Variants in CHRNA7 observed in about 807,000 individuals in gnomAD.
CHRNA7 encodes cholinergic receptor nicotinic alpha 7 subunit.
A neutral mutation model predicts 48.0 loss-of-function variants in CHRNA7; 17 were observed. The observed-to-expected ratio is 0.35, with a 90% CI of 0.24 to 0.53. CHRNA7 has a LOEUF of 0.53. Ranked by LOEUF, CHRNA7 falls within the 20% of genes least tolerant of loss-of-function variation. CHRNA7 has a pLI of 0.92. For missense variants in CHRNA7, 155 were observed against 577.7 expected (o/e 0.27, Z 7.50); for synonymous variants, 75 against 242.3 (o/e 0.31, Z 6.41).
intron 4 of CHRNA7, among the ~76,000 whole-genome samples, chr15:32,119,219 T>C (rs1293975759): frequency 1.3e-5 from 2 of 152,232 alleles, no homozygotes; most frequent in African/African-American, 2.4e-5. Context: ...AATTCCCCTG[T>C]TGACAGATTC....
intron 2 of CHRNA7, among the ~76,000 whole-genome samples, chr15:32,064,751 G>A (rs2049937938): frequency 1.3e-5 from 2 of 152,058 alleles, no homozygotes; most frequent in Admixed American, 1.3e-4. Flanking sequence ...GGGGCTGGGG[G>A]TCATGCATTC....
intron 2 of CHRNA7, among the ~76,000 whole-genome samples, chr15:32,068,925 C>T (rs1026037307): frequency 1.3e-5 from 2 of 151,906 alleles, no homozygotes; most frequent in Non-Finnish European, 2.9e-5. Context: ...ACTTCGGTAC[C>T]CCTCTTTCAA....
At chr15:32,033,461 C>A (rs1434757627) in intron 2 of CHRNA7, among the ~76,000 whole-genome samples, 1 of 152,172 alleles carries the variant, frequency 6.6e-6, no homozygotes, top group African/African-American at 2.4e-5. Flanking sequence ...TCGGACAAGT[C>A]CTTTGTCTTT....
intron 2 of CHRNA7, among the ~76,000 whole-genome samples, chr15:32,044,958 G>A (rs998805302): frequency 5.9e-5 from 9 of 152,116 alleles, no homozygotes; most frequent in African/African-American, 1.9e-4. Context: ...CATCCGGTCC[G>A]TTTTCTGTTG....
intron 2 of CHRNA7, among the ~76,000 whole-genome samples, chr15:32,042,761 C>T (rs900519664): frequency 6.6e-6 from 1 of 152,164 alleles, no homozygotes; most frequent in African/African-American, 2.4e-5. Flanking sequence ...AGTTGGGCTC[C>T]AAGAAGAGCT....
intron 4 of CHRNA7, among the ~76,000 whole-genome samples, chr15:32,147,836 C>T (rs1485451821): frequency 6.6e-6 from 1 of 152,252 alleles, no homozygotes; most frequent in South Asian, 2.1e-4. Flanking sequence ...CTCCCTCTGT[C>T]TTCTGTTCAG....
intron 2 of CHRNA7, among the ~76,000 whole-genome samples, chr15:32,057,616 G>T (rs2141199136): frequency 6.6e-6 from 1 of 152,184 alleles, no homozygotes; most frequent in East Asian, 1.9e-4. Flanking sequence ...AAACTTTCTT[G>T]CAGAGTTTTC....
intron 4 of CHRNA7, among the ~76,000 whole-genome samples, chr15:32,131,993 T>C (rs2051165106): frequency 6.6e-6 from 1 of 152,198 alleles, no homozygotes; most frequent in Non-Finnish European, 1.5e-5. Context: ...AGGAGGCGGC[T>C]GGGTCAAGAT....
At chr15:32,033,729 G>C (rs775657322) in intron 2 of CHRNA7, among the ~76,000 whole-genome samples, 1 of 152,156 alleles carries the variant, frequency 6.6e-6, no homozygotes, top group Admixed American at 6.5e-5. Context: ...TCTCATAAAG[G>C]CTTCGTGTGG....
intron 2 of CHRNA7, among the ~76,000 whole-genome samples, chr15:32,050,991 G>A (rs1006138075): frequency 1.3e-5 from 2 of 152,128 alleles, no homozygotes; most frequent in African/African-American, 4.8e-5. Context: ...GCTGCTGTCT[G>A]ATCGTTCCTC....
chr15:32,130,323 CCATCAGTTCTGGGGT>C (rs1329527539), intron 4 of CHRNA7, among the ~76,000 whole-genome samples: 1 of 151,900 alleles, frequency 6.6e-6, no homozygotes, highest in Non-Finnish European at 1.5e-5. Flanking sequence ...TTGAAAATTT[CCATCAGTTCTGGGGT>C]CATGTATTTT....
chr15:32,036,346 C>T (rs1357736100), intron 2 of CHRNA7, among the ~76,000 whole-genome samples: 1 of 152,220 alleles, frequency 6.6e-6, no homozygotes, highest in Non-Finnish European at 1.5e-5. Context: ...GGAAGAACAT[C>T]TTGGTTGCCT....
chr15:32,046,209 G>C (rs1292990248), intron 2 of CHRNA7, among the ~76,000 whole-genome samples: 1 of 151,344 alleles, frequency 6.6e-6, no homozygotes, highest in East Asian at 2.0e-4. Context: ...GGGTCAAATG[G>C]TATTTCTAGT....
chr15:32,105,269 C>A lies in CHRNA7; in HGVS notation c.240+3922C>A, dbSNP rs377144504. 1.2e-3 allele frequency among the ~76,000 whole-genome samples: 178 copies of A among 152,248 alleles called. 1 individual carries two copies. The highest frequency in any genetic ancestry group is 2.2e-3 in the Non-Finnish European group (153 of 68,030). ...GGTGAGGGGACCCAGAAATACATAA[C>A]CCAGTTTCTACCTTTAAGCCATTTA... On this transcript the variant is annotated intron_variant, in intron 3 of 9. Coordinates refer to ENST00000306901, the MANE Select transcript of CHRNA7 (RefSeq NM_000746.6).
At chr15:32,035,958 G>A (rs1459879887) in intron 2 of CHRNA7, among the ~76,000 whole-genome samples, 2 of 152,078 alleles carry the variant, frequency 1.3e-5, no homozygotes, top group African/African-American at 4.8e-5. Flanking sequence ...TTATAAGAAG[G>A]TTCCCTCTTG....
At chr15:32,132,409 C>T (rs1368502433) in intron 4 of CHRNA7, among the ~76,000 whole-genome samples, 1 of 152,248 alleles carries the variant, frequency 6.6e-6, no homozygotes, top group Middle Eastern at 3.4e-3. Flanking sequence ...CTGTTGACAG[C>T]CTTCTTATGT....
chr15:32,153,438 A>G (rs916765557), intron 4 of CHRNA7: 6 of 129,000 alleles, frequency 4.7e-5, no homozygotes, highest in Non-Finnish European at 8.3e-5. Flanking sequence ...AAAAAAAAAA[A>G]GATATATATG....
chr15:32,093,600 A>C (rs2050417842), intron 2 of CHRNA7, among the ~76,000 whole-genome samples: 1 of 152,132 alleles, frequency 6.6e-6, no homozygotes. Flanking sequence ...CAGGGGAAAC[A>C]AAAATCAGTG....
At chr15:32,115,825 G>A (rs950405579) in intron 4 of CHRNA7, among the ~76,000 whole-genome samples, 87 of 152,110 alleles carry the variant, frequency 5.7e-4, no homozygotes, top group African/African-American at 2.0e-3. Flanking sequence ...ATTAGGAGGA[G>A]GAGCGAAGAA....
Sources: gnomAD v4.1 joint callset for allele counts (sites outside exome capture counted in the v4.1 genomes callset) on GRCh38, gnomAD v4.1.1 for gene constraint, MANE v1.5 for transcripts, NCBI Gene and HGNC (gene_info 2026-07-23, HGNC 2026-07-21) for gene names.